The following GRIN2D variants were observed in gnomAD, a reference collection of about 807,000 sequenced individuals.
The protein encoded by GRIN2D is glutamate ionotropic receptor NMDA type subunit 2D.
In GRIN2D, 37 loss-of-function variants were observed where a neutral mutation model predicts 103.2. That is an observed-to-expected ratio of 0.36 (90% CI 0.28 to 0.47). GRIN2D has a LOEUF of 0.47. Ranked by LOEUF, GRIN2D falls within the 20% of genes least tolerant of loss-of-function variation. The probability of loss-of-function intolerance (pLI) is 1.00; values close to 1 mark genes in which losing one functional copy is unlikely to be tolerated. For synonymous variants in GRIN2D, 845 were observed against 885.6 expected (o/e 0.95, Z 0.81); for missense variants, 1,557 against 1,910.6 (o/e 0.81, Z 3.45).
chr19:48,405,114 C>T lies in GRIN2D; in HGVS notation c.846C>T (p.Gly282=), dbSNP rs1249708741. Residue 282 remains glycine, a synonymous_variant, in exon 4 of 14, where the codon GGC becomes GGT. Transcript: ENST00000263269. This position sits in a 1 kb window ranked among gnomAD's most constrained non-coding sequence, Gnocchi z 5.1. ...WFMVGPQLAG[G]GGSGAPGEPP... The stretch of plus-strand genomic sequence containing the variant: ...TGGTGGGGCCCCAGCTGGCTGGAGG[C>T]GGGGGCTCTGGGGCCCCTGGTGAGC... 6.9e-6 allele frequency: 11 copies of T among 1,584,958 alleles called. No homozygotes were observed. The highest frequency in any genetic ancestry group is 2.6e-6 in the Non-Finnish European group (3 of 1,165,884).
intron 10 of GRIN2D, among the ~76,000 whole-genome samples, chr19:48,420,183 C>G (rs1971003276): frequency 6.6e-6 from 1 of 152,014 alleles, no homozygotes; most frequent in Non-Finnish European, 1.5e-5. Flanking sequence ...AATCCCAGCA[C>G]GTTGGGAGGC....
chr19:48,409,274 C>CTTTTT (rs67673123), intron 4 of GRIN2D, among the ~76,000 whole-genome samples: 24 of 103,702 alleles, frequency 2.3e-4, no homozygotes, highest in Admixed American at 3.1e-4. Context: ...AATTAAATTT[C>CTTTTT]TTTTTTTTTT....
chr19:48,442,413 G>T lies in GRIN2D; in HGVS notation c.2673+31G>T. On this transcript the variant is annotated intron_variant, in intron 13 of 13. Transcript: ENST00000263269. The surrounding 1 kb of genome is among the most constrained non-coding windows in gnomAD (Gnocchi z 7.2). ...GGGCAGAGAGGGAGGCAGAGAGGGG[G>T]AGATGGCAGGGGCGGGGACAAAGGT... The T allele has an allele frequency of 6.3e-7, 1 of 1,585,360 alleles. No individual in the cohort carries two copies. The highest frequency in any genetic ancestry group is 1.7e-4 in the Middle Eastern group (1 of 6,026).
intron 4 of GRIN2D, among the ~76,000 whole-genome samples, chr19:48,412,276 C>A (rs1464251286): frequency 1.3e-5 from 2 of 151,036 alleles, no homozygotes; most frequent in African/African-American, 4.9e-5. Context: ...TTGCAGTGAG[C>A]CAAGATCGCA....
At position 48,404,425 on chromosome 19, in the gene GRIN2D, G is replaced by A. The variant is rs999129043; in HGVS notation, c.466-309G>A. Among the ~76,000 whole-genome samples, 7 of 151,996 alleles carry A rather than the reference G, an allele frequency of 4.6e-5. No individual in the cohort carries two copies. The South Asian group carries it at 1.0e-3, about 23-fold the overall frequency. On this transcript the variant is annotated intron_variant, in intron 3 of 13. Transcript: ENST00000263269. ...GGAGAATCACTTGAACCCAGGAGGC[G>A]GAGGTTGCAGTGAGCCAAGATCATG...
At chr19:48,398,951 G>T in intron 3 of GRIN2D, 94 bp downstream of exon 3, 1 of 1,083,028 alleles carries the variant, frequency 9.2e-7, no homozygotes, top group Non-Finnish European at 1.2e-6. Context: ...GGGGCCTAGA[G>T]GGGGCGGGGA....
At chr19:48,418,385 A>G (rs1970973992) in intron 8 of GRIN2D, among the ~76,000 whole-genome samples, 2 of 152,054 alleles carry the variant, frequency 1.3e-5, no homozygotes, top group South Asian at 4.1e-4. Flanking sequence ...TCAGGACAGA[A>G]AGGAGAGTGT....
Position 48,398,809 on chromosome 19 carries a change from G to A in GRIN2D, c.417G>A (p.Leu139=), listed in dbSNP as rs10413649. 192 of 1,442,220 alleles carry A rather than the reference G, an allele frequency of 1.3e-4. 1 individual carries two copies. The African/African-American group carries it at 2.4e-3, about 18-fold the overall frequency. 89.3% of individuals were successfully genotyped at this position (1,442,220 alleles called of 1,614,324 possible). A position where few individuals can be genotyped will look rare whatever the true frequency, so the allele number is the denominator to read the frequency against. Residue 139 remains leucine (L), a synonymous_variant, in exon 3 of 14, where the codon CTG becomes CTA. Coordinates refer to ENST00000263269, the MANE Select transcript of GRIN2D (RefSeq NM_000836.4). ...ILDFLSAQTS[L]PIVAVHGGAA... is the part of the protein sequence containing the mutation. ...ACTTCCTGTCGGCGCAGACCTCGCTGCCCATCGTGGCCGTGCACGGCGGCG... is the reference window on the plus strand; with the variant it reads ...ACTTCCTGTCGGCGCAGACCTCGCTACCCATCGTGGCCGTGCACGGCGGCG...
At chr19:48,410,534 A>AAG (rs1679149633) in intron 4 of GRIN2D, among the ~76,000 whole-genome samples, 1 of 146,444 alleles carries the variant, frequency 6.8e-6, no homozygotes, top group South Asian at 2.1e-4. Flanking sequence ...ACTCAAAAAA[A>AAG]AAAAAAAAAA....
intron 7 of GRIN2D, among the ~76,000 whole-genome samples, chr19:48,415,513 C>T (rs1325814223): frequency 8.9e-5 from 3 of 33,650 alleles, no homozygotes; most frequent in African/African-American, 1.2e-4. Context: ...GTGTCAGGGG[C>T]GGGGTTTGGA....
At chr19:48,419,102 C>A in intron 8 of GRIN2D, 132 bp from the exon 9 acceptor site, 3 of 623,920 alleles carry the variant, frequency 4.8e-6, no homozygotes, top group Non-Finnish European at 7.8e-6. Context: ...TGGTCTTGAA[C>A]TCCAGGCGTC....
rs1251154390 is a variant in GRIN2D at position 48,443,492 on chromosome 19, T to TGCC, written c.3575_3577dup (p.Pro1192dup). On this transcript the variant is annotated inframe_insertion, in exon 14 of 14. Coordinates refer to ENST00000263269, the MANE Select transcript of GRIN2D (RefSeq NM_000836.4). This position sits in a 1 kb window ranked among gnomAD's most constrained non-coding sequence, Gnocchi z 8.9. ...CGGCACTGCGCCAGCCTGGAGCTGC[T>TGCC]GCCGCCGCCGCGCCATCTCAGCTGC... The TGCC allele has an allele frequency of 2.9e-6, 4 of 1,359,640 alleles. No homozygotes were observed. Among genetic ancestry groups the TGCC allele is most frequent in the East Asian group, 3.1e-5 (1 of 31,842 alleles). The allele number at this position is 1,359,640 out of a possible 1,614,324, so 84.2% of individuals were successfully genotyped here.
At position 48,421,559 on chromosome 19, in the gene GRIN2D, G is replaced by A. The variant is rs1971023763; in HGVS notation, c.2092-226G>A. 6.6e-6 allele frequency among the ~76,000 whole-genome samples: 1 copy of A among 152,148 alleles called. No individual in the cohort carries two copies. The highest frequency in any genetic ancestry group is 2.1e-4 in the South Asian group (1 of 4,828). ...GAAGACTTAACACCTGGCACATCAG[G>A]GGCCTCAGGGAGGCTTCTCGTGAAC... On this transcript the variant is annotated intron_variant, in intron 10 of 13. Coordinates refer to ENST00000263269, the MANE Select transcript of GRIN2D (RefSeq NM_000836.4). The surrounding 1 kb of genome is among the most constrained non-coding windows in gnomAD (Gnocchi z 4.8).
rs1225338399 is a variant in GRIN2D, at chr19:48,442,870, G to C, written c.2944G>C (p.Ala982Pro). 4 of 1,083,370 alleles carry C rather than the reference G, an allele frequency of 3.7e-6. No individual in the cohort carries two copies. The East Asian group carries it at 1.9e-4, about 51-fold the overall frequency. 67.1% of individuals were successfully genotyped at this position (1,083,370 alleles called of 1,614,324 possible). A position where few individuals can be genotyped will look rare whatever the true frequency, so the allele number is the denominator to read the frequency against. Residue 982 changes from alanine to proline, a missense_variant, in exon 14 of 14, where the codon GCG (alanine) becomes CCG (proline). Ala to Pro is a conservative substitution (Grantham distance 27). Coordinates refer to ENST00000263269, the MANE Select transcript of GRIN2D (RefSeq NM_000836.4). The surrounding 1 kb of genome is among the most constrained non-coding windows in gnomAD (Gnocchi z 7.2). The part of the protein sequence containing the change: ...GLGLGLGEAR[A>P]APRGAAGRPL... ...AGGCCTCGGCCTGGGCGAAGCGCGCGCGGCACCGCGGGGCGCAGCCGGGCG... is the reference window on the plus strand; with the variant it reads ...AGGCCTCGGCCTGGGCGAAGCGCGCCCGGCACCGCGGGGCGCAGCCGGGCG...
chr19:48,410,359 C>G (rs1177241353), intron 4 of GRIN2D, among the ~76,000 whole-genome samples: 1 of 151,064 alleles, frequency 6.6e-6, no homozygotes, highest in African/African-American at 2.4e-5. Flanking sequence ...AAAACCCCGT[C>G]TCTACTAAAA....
intron 11 of GRIN2D, among the ~76,000 whole-genome samples, chr19:48,426,224 C>CTTTTTT (rs369360320): frequency 1.1e-4 from 13 of 120,078 alleles, no homozygotes; most frequent in African/African-American, 3.6e-4. Context: ...TTCTTTCTTT[C>CTTTTTT]TTTTTTTTTT....
At chr19:48,399,329 G>T (rs1018007897) in intron 3 of GRIN2D, among the ~76,000 whole-genome samples, 1 of 152,224 alleles carries the variant, frequency 6.6e-6, no homozygotes, top group Non-Finnish European at 1.5e-5. Context: ...GCTTTGGAAA[G>T]CCGAGGCCGG....
At position 48,414,733 on chromosome 19, in the gene GRIN2D, G is replaced by C; in HGVS notation, c.1413-131G>C. The C allele has an allele frequency of 2.5e-5, 32 of 1,285,034 alleles. No individual in the cohort carries two copies. The highest frequency in any genetic ancestry group is 3.5e-5 in the Non-Finnish European group (32 of 925,726). The allele number at this position is 1,285,034 out of a possible 1,614,324, so 79.6% of individuals were successfully genotyped here. A position where few individuals can be genotyped will look rare whatever the true frequency, so the allele number is the denominator to read the frequency against. On this transcript the variant is annotated intron_variant, in intron 6 of 13. Transcript: ENST00000263269. The surrounding 1 kb of genome is among the most constrained non-coding windows in gnomAD (Gnocchi z 4.6). ...CCTTAGGCAAACCTCAGAATTCTTT[G>C]AGCCTGAGTTTCCCCTGAAAGCGCT...
Position 48,414,356 on chromosome 19 carries a change from C to T in GRIN2D, c.1201-17C>T. ...AAGTCTTCCCAGGAAGCCTGACTCT[C>T]TTTCCCTTTGGCCAAGGTGGGCAGC... On this transcript the variant is annotated splice_polypyrimidine_tract_variant and intron_variant, in intron 5 of 13. Transcript: ENST00000263269. This position sits in a 1 kb window ranked among gnomAD's most constrained non-coding sequence, Gnocchi z 4.6. 6.3e-7 allele frequency: 1 copy of T among 1,588,248 alleles called. No homozygotes were observed.
Sources: allele counts gnomAD v4.1 joint callset (sites outside exome capture counted in the v4.1 genomes callset), GRCh38; gene constraint gnomAD v4.1.1; non-coding constraint Gnocchi (gnomAD v3.1); transcripts MANE v1.5; gene names NCBI Gene and HGNC (gene_info 2026-07-23, HGNC 2026-07-21).